The following MMD2 variants were observed in gnomAD, a reference collection of about 807,000 sequenced individuals.
The protein encoded by MMD2 is monocyte to macrophage differentiation factor 2.
MMD2 carries 30 observed loss-of-function variants against 33.5 expected under a neutral mutation model. The observed-to-expected ratio is 0.90, with a 90% CI of 0.67 to 1.22. MMD2 has a LOEUF of 1.22. Among genes scored for constraint, MMD2 ranks in the 50% most tolerant of loss-of-function variants. The pLI is 0.00. For synonymous variants in MMD2, 129 were observed against 123.0 expected (o/e 1.05, Z -0.32); for missense variants, 364 against 325.4 (o/e 1.12, Z -0.91).
At chr7:4,911,351 C>G (rs1785003278) in intron 4 of MMD2, 105 bp from the exon 5 acceptor site, 1 of 833,258 alleles carries the variant, frequency 1.2e-6, no homozygotes, top group Non-Finnish European at 1.9e-6. Flanking sequence ...GAAGTCCTGT[C>G]ACCTGTGACT....
At chr7:4,927,034 G>A (rs12670276) in intron 1 of MMD2, among the ~76,000 whole-genome samples, 22,246 of 151,694 alleles carry the variant, frequency 0.15, 1,857 homozygotes, top group East Asian at 0.29. Flanking sequence ...GTGAGCCACC[G>A]CGCCCGGCCA....
downstream of MMD2, among the ~76,000 whole-genome samples, chr7:4,903,501 A>C (rs1045905499): frequency 5.3e-5 from 8 of 152,322 alleles, no homozygotes; most frequent in African/African-American, 1.4e-4. Context: ...CTTCCAATCC[A>C]GTGGGAAAGG....
chr7:4,895,542 CT>C, the MMD2 span, among the ~76,000 whole-genome samples: 1 of 149,346 alleles, frequency 6.7e-6, no homozygotes, highest in African/African-American at 2.5e-5. Context: ...CTTTTTTTTT[CT>C]TTTCTTTTTT....
At chr7:4,944,095 C>T (rs1350143069) in intron 1 of MMD2, among the ~76,000 whole-genome samples, 4 of 151,684 alleles carry the variant, frequency 2.6e-5, no homozygotes. Context: ...CTACCACATC[C>T]AACACTCCCT....
the MMD2 span, among the ~76,000 whole-genome samples, chr7:4,898,930 G>A: frequency 7.9e-5 from 12 of 151,812 alleles, no homozygotes; most frequent in African/African-American, 2.9e-4. Context: ...ACAGAGGAAG[G>A]AAGGAAGGAA....
At chr7:4,897,908 T>G in the MMD2 span, among the ~76,000 whole-genome samples, 2 of 152,078 alleles carry the variant, frequency 1.3e-5, no homozygotes, top group Non-Finnish European at 2.9e-5. Flanking sequence ...TGGCTAATTT[T>G]TGTATTTTTA....
chr7:4,920,300 G>A lies in MMD2; in HGVS notation c.161C>T (p.Ser54Phe). The change falls in exon 3 of 7, where the codon TCC becomes TTC. Residue 54 changes from serine (S) to phenylalanine (F), a missense_variant. Physicochemically the swap from Ser to Phe is radical, Grantham distance 155. Transcript: ENST00000401401. ...FWIIPSILGSSNLYFLSDDDW... is the reference protein window; with the variant it reads ...FWIIPSILGSFNLYFLSDDDW... The stretch of plus-strand genomic sequence containing the variant: ...ATCGTCCGACAGGAAGTAGAGGTTG[G>A]AGCTGCCCAGGATGCTGGGGATGAT... The A allele has an allele frequency of 6.2e-7, 1 of 1,609,418 alleles. No homozygotes were observed. Among genetic ancestry groups the A allele is most frequent in the Non-Finnish European group, 8.5e-7 (1 of 1,178,162 alleles).
At chr7:4,909,099 T>A (rs890574534) in intron 6 of MMD2, among the ~76,000 whole-genome samples, 2 of 152,008 alleles carry the variant, frequency 1.3e-5, no homozygotes, top group Non-Finnish European at 2.9e-5. Flanking sequence ...TTTTGCTTCA[T>A]GGCAAAAAAT....
downstream of MMD2, among the ~76,000 whole-genome samples, chr7:4,903,844 C>T (rs537364820): frequency 3.3e-5 from 5 of 152,212 alleles, no homozygotes; most frequent in African/African-American, 9.6e-5. Context: ...TGAGGCATGA[C>T]GACAGCTCTG....
chr7:4,936,112 G>A lies in MMD2; in HGVS notation c.48-10580C>T, dbSNP rs181183781. On this transcript the variant is annotated intron_variant, in intron 1 of 6. Coordinates refer to ENST00000401401, the MANE Select transcript of MMD2 (RefSeq NM_198403.4). ...AGGCAGGAAAATCACTTGAACCCGGGAGGCAGAGGTTCCTATGAGCTGAGA... is the reference window on the plus strand; with the variant it reads ...AGGCAGGAAAATCACTTGAACCCGGAAGGCAGAGGTTCCTATGAGCTGAGA... Among the ~76,000 whole-genome samples, 380 of 151,252 alleles carry A rather than the reference G, an allele frequency of 2.5e-3. 2 individuals are homozygous for A. Among genetic ancestry groups the A allele is most frequent in the Middle Eastern group, 0.01 (3 of 294 alleles).
At chr7:4,953,425 G>A (rs553834825) in intron 1 of MMD2, among the ~76,000 whole-genome samples, 1 of 148,944 alleles carries the variant, frequency 6.7e-6, no homozygotes, top group African/African-American at 2.5e-5. Flanking sequence ...GCAACTAGAT[G>A]GATGTTGAAC....
chr7:4,956,255 T>C (rs887139280), intron 1 of MMD2, among the ~76,000 whole-genome samples: 2 of 151,640 alleles, frequency 1.3e-5, no homozygotes, highest in African/African-American at 4.8e-5. Flanking sequence ...AGACCCCATC[T>C]TTACAGATAC....
At position 4,911,414 on chromosome 7, in the gene MMD2, G is replaced by C. The variant is rs73314090; in HGVS notation, c.366-168C>G. On this transcript the variant is annotated intron_variant, in intron 4 of 6. Coordinates refer to ENST00000401401, the MANE Select transcript of MMD2 (RefSeq NM_198403.4). ...GAAGACGGGTGAACAGGCAGAAAGG[G>C]TGCTAGATAACTTGAAACAGCAAGC... 8.7e-3 allele frequency among the ~76,000 whole-genome samples: 1,323 copies of C among 152,322 alleles called. 23 individuals are homozygous for C. Among genetic ancestry groups the C allele is most frequent in the African/African-American group, 0.03 (1,266 of 41,576 alleles).
At chr7:4,900,084 T>C in the MMD2 span, among the ~76,000 whole-genome samples, 3 of 152,042 alleles carry the variant, frequency 2.0e-5, no homozygotes, top group East Asian at 5.8e-4. Flanking sequence ...GGCGGATCAC[T>C]TGAGGTCAGG....
At chr7:4,935,311 C>T (rs1396270578) in intron 1 of MMD2, among the ~76,000 whole-genome samples, 1 of 151,994 alleles carries the variant, frequency 6.6e-6, no homozygotes, top group African/African-American at 2.4e-5. Context: ...ATGATCGTGC[C>T]ACTGCACTCC....
intron 1 of MMD2, among the ~76,000 whole-genome samples, chr7:4,957,177 T>A (rs539243301): frequency 0.073 from 10,653 of 145,032 alleles, 457 homozygotes; most frequent in African/African-American, 0.11. Context: ...AAAAAAAATA[T>A]ATATATATAT....
chr7:4,947,747 T>C (rs777304693), intron 1 of MMD2, among the ~76,000 whole-genome samples: 30 of 128,534 alleles, frequency 2.3e-4, no homozygotes, highest in South Asian at 5.7e-4. Context: ...TTGCCCAGGC[T>C]GGAGCACAGT....
intron 1 of MMD2, among the ~76,000 whole-genome samples, chr7:4,955,631 A>T (rs1786363723): frequency 1.3e-5 from 2 of 152,246 alleles, no homozygotes; most frequent in Non-Finnish European, 2.9e-5. Context: ...TACTGATATA[A>T]TAATGCCTTG....
At chr7:4,954,611 G>T (rs1173467194) in intron 1 of MMD2, among the ~76,000 whole-genome samples, 2 of 151,904 alleles carry the variant, frequency 1.3e-5, no homozygotes, top group Admixed American at 6.6e-5. Flanking sequence ...TAGAGATGGG[G>T]TTTCACCATG....
Sources: allele counts gnomAD v4.1 joint callset (sites outside exome capture counted in the v4.1 genomes callset), GRCh38; gene constraint gnomAD v4.1.1; transcripts MANE v1.5; gene names NCBI Gene and HGNC (gene_info 2026-07-23, HGNC 2026-07-21).